The following HIP1 variants were observed in gnomAD, a reference collection of about 807,000 sequenced individuals.
The protein encoded by HIP1 is huntingtin interacting protein 1.
Under a neutral mutation model 147.6 loss-of-function variants are expected in HIP1, and 65 were observed. That is an observed-to-expected ratio of 0.44 (90% CI 0.36 to 0.54). HIP1 has a LOEUF of 0.54. Among genes scored for constraint, HIP1 ranks in the 20% least tolerant of loss-of-function variants. The probability of loss-of-function intolerance (pLI) is 0.00; values close to 1 mark genes in which losing one functional copy is unlikely to be tolerated. For synonymous variants in HIP1, 479 were observed against 504.0 expected, an observed-to-expected ratio of 0.95 and a Z score of 0.67; for missense variants, 1,061 against 1,299.6, an observed-to-expected ratio of 0.82 and a Z score of 2.82.
intron 1 of HIP1, among the ~76,000 whole-genome samples, chr7:75,697,129 G>T (rs188672813): frequency 5.3e-5 from 8 of 151,934 alleles, no homozygotes; most frequent in African/African-American, 1.9e-4. Flanking sequence ...AATTAGCCTC[G>T]CCTAATTTAT....
chr7:75,611,594 C>T (rs1205897493), intron 1 of HIP1: 3 of 836,832 alleles, frequency 3.6e-6, no homozygotes, highest in Admixed American at 6.0e-5. Flanking sequence ...ACTGTTCCCG[C>T]CCCGCCACAG....
intron 4 of HIP1, among the ~76,000 whole-genome samples, chr7:75,590,400 C>T (rs1442090930): frequency 6.6e-6 from 1 of 151,980 alleles, no homozygotes; most frequent in Non-Finnish European, 1.5e-5. Flanking sequence ...TATTTTTTAA[C>T]CTCCCAAATA....
At chr7:75,700,477 G>T (rs1417135162) in intron 1 of HIP1, among the ~76,000 whole-genome samples, 1 of 152,156 alleles carries the variant, frequency 6.6e-6, no homozygotes, top group Non-Finnish European at 1.5e-5. Context: ...AAGATGACAG[G>T]TCTCCTGTCC....
At chr7:75,631,029 C>A (rs587657469) in intron 1 of HIP1, among the ~76,000 whole-genome samples, 1 of 152,208 alleles carries the variant, frequency 6.6e-6, no homozygotes, top group South Asian at 2.1e-4. Flanking sequence ...TCACATCTCA[C>A]TGCAGCCTTG....
At chr7:75,738,534 G>T (rs572446671) in intron 1 of HIP1, among the ~76,000 whole-genome samples, 1 of 151,998 alleles carries the variant, frequency 6.6e-6, no homozygotes, top group Admixed American at 6.6e-5. Flanking sequence ...CTCCTGCCCG[G>T]TACCCAGCCG....
At chr7:75,735,662 G>A (rs1801995807) in intron 1 of HIP1, among the ~76,000 whole-genome samples, 1 of 133,112 alleles carries the variant, frequency 7.5e-6, no homozygotes, top group South Asian at 2.4e-4. Context: ...GTTTAGGGCT[G>A]TTCTCTTTTC....
At chr7:75,703,007 CTG>C (rs1488200313) in intron 1 of HIP1, among the ~76,000 whole-genome samples, 55 of 152,134 alleles carry the variant, frequency 3.6e-4, no homozygotes, top group African/African-American at 1.3e-3. Flanking sequence ...AACATCCAAA[CTG>C]TAGCGGGAAT....
At chr7:75,677,443 T>A (rs1799930694) in intron 1 of HIP1, among the ~76,000 whole-genome samples, 1 of 149,144 alleles carries the variant, frequency 6.7e-6, no homozygotes, top group Non-Finnish European at 1.5e-5. Flanking sequence ...CGTCTCTGCT[T>A]GAAAATACAA....
intron 4 of HIP1, among the ~76,000 whole-genome samples, chr7:75,589,888 G>A (rs1343146717): frequency 6.6e-6 from 1 of 151,378 alleles, no homozygotes; most frequent in African/African-American, 2.4e-5. Context: ...CCACCACCAC[G>A]CCCGGCTAAT....
intron 2 of HIP1, among the ~76,000 whole-genome samples, chr7:75,597,395 G>A (rs1554502135): frequency 6.6e-6 from 1 of 152,178 alleles, no homozygotes. Flanking sequence ...CAAGAGCCCA[G>A]GTGAGGAGAA....
At chr7:75,624,437 G>A (rs1797960727) in intron 1 of HIP1, among the ~76,000 whole-genome samples, 1 of 152,116 alleles carries the variant, frequency 6.6e-6, no homozygotes, top group Non-Finnish European at 1.5e-5. Flanking sequence ...AGGGGAGTGG[G>A]GGGAAAAAGA....
Position 75,555,983 on chromosome 7 carries a change from G to A in HIP1, c.1827+43C>T, listed in dbSNP as rs781783868. On this transcript the variant is annotated intron_variant, in intron 18 of 30. Transcript: ENST00000336926. ...CCGTGCATGCGCAGAGGCCCTCGGTGGGAATTCACAGGTGCTCGCTCGTGT... is the reference window on the plus strand; with the variant it reads ...CCGTGCATGCGCAGAGGCCCTCGGTAGGAATTCACAGGTGCTCGCTCGTGT... 3.1e-6 allele frequency: 5 copies of A among 1,608,060 alleles called. No individual in the cohort carries two copies. In the Admixed American group the frequency reaches 8.4e-5, roughly 27 times the overall value.
Position 75,556,129 on chromosome 7 carries a change from T to G in HIP1, c.1724A>C (p.Lys575Thr). 1 of 1,614,154 alleles carries G rather than the reference T, an allele frequency of 6.2e-7. No homozygotes were observed. The highest frequency in any genetic ancestry group is 1.1e-5 in the South Asian group (1 of 91,078). The change falls in exon 18 of 31, where the codon AAG becomes ACG. Residue 575 changes from lysine (K) to threonine (T), a missense_variant. Coordinates refer to ENST00000336926, the MANE Select transcript of HIP1 (RefSeq NM_005338.7). Reference protein sequence around the residue: ...NWAAEFAELEKERDSLVSGAA... With the variant: ...NWAAEFAELETERDSLVSGAA... ...GCCACTCACCAGGCTGTCCCGCTCC[T>G]TCTCTAGCTCGGCGAACTCGGCTGC...
intron 1 of HIP1, among the ~76,000 whole-genome samples, chr7:75,676,942 C>T (rs1358896729): frequency 6.6e-6 from 1 of 152,040 alleles, no homozygotes; most frequent in African/African-American, 2.4e-5. Flanking sequence ...CACCTGTAAC[C>T]CCAGCACTTT....
At chr7:75,538,426 G>A (rs868959017) in intron 30 of HIP1, among the ~76,000 whole-genome samples, 1 of 152,084 alleles carries the variant, frequency 6.6e-6, no homozygotes, top group East Asian at 1.9e-4. Context: ...TCCACTAAGA[G>A]TGAACAGTCT....
intron 13 of HIP1, 57 bp from the exon 14 acceptor site, chr7:75,559,972 G>A (rs1795165992): frequency 6.8e-7 from 1 of 1,473,900 alleles, no homozygotes; most frequent in Non-Finnish European, 9.0e-7. Flanking sequence ...TCACGGGCAT[G>A]GGCCGGAGAA....
At chr7:75,655,553 G>C (rs1429369647) in intron 1 of HIP1, among the ~76,000 whole-genome samples, 1 of 151,722 alleles carries the variant, frequency 6.6e-6, no homozygotes, top group Non-Finnish European at 1.5e-5. Flanking sequence ...CTGCACTCCA[G>C]CCTGGGTGAC....
intron 18 of HIP1, 103 bp from the exon 19 acceptor site, chr7:75,555,654 C>A: frequency 8.1e-7 from 1 of 1,241,752 alleles, no homozygotes; most frequent in Non-Finnish European, 1.1e-6. Flanking sequence ...AAGTCATGGC[C>A]AATGAGGTCC....
At position 75,723,947 on chromosome 7, in the gene HIP1, T is replaced by G. The variant is rs557806423; in HGVS notation, c.120+14854A>C. 2.5e-3 allele frequency among the ~76,000 whole-genome samples: 332 copies of G among 133,712 alleles called. 3 individuals carry two copies. Among genetic ancestry groups the G allele is most frequent in the South Asian group, 0.023 (94 of 4,028 alleles). The allele number at this position is 133,712 out of a possible 152,430, so 87.7% of individuals were successfully genotyped here. ...TTATTATTATTATCATTTATATATA[T>G]ATAGAGAGAGAGAGAGAGAGAGAAA... On this transcript the variant is annotated intron_variant, in intron 1 of 30. Transcript: ENST00000336926.
Sources: allele counts gnomAD v4.1 joint callset (sites outside exome capture counted in the v4.1 genomes callset), GRCh38; gene constraint gnomAD v4.1.1; transcripts MANE v1.5; gene names NCBI Gene and HGNC (gene_info 2026-07-23, HGNC 2026-07-21).